The following PAPSS2 variants were observed in gnomAD, a reference collection of about 807,000 sequenced individuals.
The protein encoded by PAPSS2 is bifunctional 3'-phosphoadenosine 5'-phosphosulfate synthase 2.
A neutral mutation model predicts 66.5 loss-of-function variants in PAPSS2; 61 were observed. That is an observed-to-expected ratio of 0.92 (90% CI 0.75 to 1.14). The LOEUF (loss-of-function observed/expected upper bound fraction) is 1.14. Ranked by LOEUF, PAPSS2 falls within the 50% of genes most tolerant of loss-of-function variation. The pLI, the probability that PAPSS2 is intolerant of heterozygous loss-of-function variation, is 0.00. For missense variants in PAPSS2, 708 were observed against 789.6 expected (o/e 0.90, Z 1.24); for synonymous variants, 289 against 287.5 (o/e 1.01, Z -0.05).
At chr10:87,673,473 A>G (rs1322406996) in intron 1 of PAPSS2, among the ~76,000 whole-genome samples, 1 of 151,736 alleles carries the variant, frequency 6.6e-6, no homozygotes, top group African/African-American at 2.4e-5. Context: ...GATTTTCTTC[A>G]TATTCTCTTT....
intron 1 of PAPSS2, chr10:87,703,623 T>C: frequency 2.2e-6 from 1 of 449,890 alleles, no homozygotes. Flanking sequence ...GGTTCAGAGA[T>C]GTTAATAACT....
chr10:87,719,557 G>A (rs1191689392), intron 7 of PAPSS2, among the ~76,000 whole-genome samples: 1 of 152,148 alleles, frequency 6.6e-6, no homozygotes, highest in Admixed American at 6.5e-5. Context: ...AGGAGCTAGA[G>A]TCCCACCTGG....
At chr10:87,704,912 G>A (rs182815864) in intron 1 of PAPSS2, among the ~76,000 whole-genome samples, 42 of 152,294 alleles carry the variant, frequency 2.8e-4, no homozygotes, top group Admixed American at 7.2e-4. Context: ...AAAGTGCTGG[G>A]ATTACAGGCG....
chr10:87,698,127 G>A (rs1323743632), intron 1 of PAPSS2, among the ~76,000 whole-genome samples: 1 of 152,082 alleles, frequency 6.6e-6, no homozygotes, highest in Non-Finnish European at 1.5e-5. Flanking sequence ...CATCGTTGTT[G>A]CAATGTTTTC....
intron 8 of PAPSS2, among the ~76,000 whole-genome samples, chr10:87,722,756 T>C (rs1423025514): frequency 1.3e-5 from 2 of 152,204 alleles, no homozygotes; most frequent in African/African-American, 4.8e-5. Context: ...TTGGATACGT[T>C]TATATATTAG....
intron 1 of PAPSS2, among the ~76,000 whole-genome samples, chr10:87,670,346 C>T (rs747845149): frequency 1.3e-5 from 2 of 152,122 alleles, no homozygotes; most frequent in Non-Finnish European, 2.9e-5. Flanking sequence ...AGTTCAAGGT[C>T]GACGCTTAAG....
At chr10:87,713,439 AT>A in intron 3 of PAPSS2, 129 bp downstream of exon 3, 3 of 661,550 alleles carry the variant, frequency 4.5e-6, no homozygotes, top group Non-Finnish European at 7.9e-6. Flanking sequence ...TTTCCCGACT[AT>A]TTCTTCCCCC....
intron 1 of PAPSS2, among the ~76,000 whole-genome samples, chr10:87,708,570 G>A (rs1853423164): frequency 1.3e-5 from 2 of 152,100 alleles, no homozygotes; most frequent in African/African-American, 4.8e-5. Flanking sequence ...AAGCCTATAG[G>A]ACTTGGGGAG....
intron 1 of PAPSS2, among the ~76,000 whole-genome samples, chr10:87,692,737 A>G (rs1181218419): frequency 1.3e-5 from 2 of 152,162 alleles, no homozygotes; most frequent in Non-Finnish European, 2.9e-5. Flanking sequence ...TTAAATTCCT[A>G]AGAGAATCTA....
At chr10:87,715,617 A>G in intron 6 of PAPSS2, 115 bp from the exon 7 acceptor site, 1 of 728,292 alleles carries the variant, frequency 1.4e-6, no homozygotes, top group Non-Finnish European at 2.5e-6. Context: ...CACTTAAAAC[A>G]TAGAAGGTTC....
chr10:87,701,730 C>T (rs1433204843), intron 1 of PAPSS2, among the ~76,000 whole-genome samples: 1 of 152,088 alleles, frequency 6.6e-6, no homozygotes, highest in Non-Finnish European at 1.5e-5. Flanking sequence ...CAGCCCAAAA[C>T]ATAGTTTTAA....
chr10:87,715,048 G>T lies in PAPSS2; in HGVS notation c.703G>T (p.Asp235Tyr). Residue 235 changes from aspartate to tyrosine, a missense_variant, in exon 6 of 13, where the codon GAC (aspartate) becomes TAC (tyrosine). Asp to Tyr is a radical substitution (Grantham distance 160). Coordinates refer to ENST00000456849, the MANE Select transcript of PAPSS2 (RefSeq NM_001015880.2). ...HELFVPENKL[D>Y]HVRAEAETLP... ...ACTCTTTGTGCCGGAAAACAAACTT[G>T]ACCACGTCCGAGCTGAGGCTGAAAC... The T allele has an allele frequency of 6.2e-7, 1 of 1,613,470 alleles. No individual in the cohort carries two copies. Among genetic ancestry groups the T allele is most frequent in the South Asian group, 1.1e-5 (1 of 91,042 alleles).
intron 1 of PAPSS2, among the ~76,000 whole-genome samples, chr10:87,684,972 G>GA (rs2131907729): frequency 6.6e-6 from 1 of 152,250 alleles, no homozygotes; most frequent in East Asian, 1.9e-4. Context: ...GACTGCCTCT[G>GA]AAGGAAAAAT....
At chr10:87,669,302 C>T (rs1348315685) in intron 1 of PAPSS2, among the ~76,000 whole-genome samples, 1 of 152,198 alleles carries the variant, frequency 6.6e-6, no homozygotes, top group Non-Finnish European at 1.5e-5. Flanking sequence ...TTCAGTTTTA[C>T]CTCTAAATCT....
At chr10:87,740,084 C>T (rs754679098) in intron 9 of PAPSS2, among the ~76,000 whole-genome samples, 3 of 152,110 alleles carry the variant, frequency 2.0e-5, no homozygotes, top group Non-Finnish European at 4.4e-5. Flanking sequence ...TATGGTTATT[C>T]AGATATGACT....
intron 1 of PAPSS2, among the ~76,000 whole-genome samples, chr10:87,687,229 A>G (rs766213095): frequency 1.3e-5 from 2 of 152,308 alleles, no homozygotes; most frequent in South Asian, 2.1e-4. Flanking sequence ...TCTTTGGCAT[A>G]TAGTTGAGCT....
At chr10:87,701,222 A>G (rs1356746489) in intron 1 of PAPSS2, among the ~76,000 whole-genome samples, 2 of 142,032 alleles carry the variant, frequency 1.4e-5, no homozygotes, top group East Asian at 2.1e-4. Flanking sequence ...TTTTATTTAT[A>G]TAATAATTTT....
At chr10:87,716,760 C>T (rs1028540276) in intron 7 of PAPSS2, among the ~76,000 whole-genome samples, 1 of 152,170 alleles carries the variant, frequency 6.6e-6, no homozygotes, top group African/African-American at 2.4e-5. Context: ...TTTGCTGTGA[C>T]AGATAACACC....
chr10:87,686,315 C>T (rs2131908842), intron 1 of PAPSS2, among the ~76,000 whole-genome samples: 1 of 137,492 alleles, frequency 7.3e-6, no homozygotes, highest in South Asian at 2.3e-4. Flanking sequence ...TGAGTAGTGC[C>T]AGCCAGGAGG....
Sources: gnomAD v4.1 joint callset for allele counts (sites outside exome capture counted in the v4.1 genomes callset) on GRCh38, gnomAD v4.1.1 for gene constraint, MANE v1.5 for transcripts, NCBI Gene and HGNC (gene_info 2026-07-23, HGNC 2026-07-21) for gene names.